Variants in OR1J2 observed in about 807,000 individuals in gnomAD.
The protein encoded by OR1J2 is olfactory receptor 1J2.
For synonymous variants in OR1J2, 142 were observed against 99.7 expected (o/e 1.42, Z -2.52); for missense variants, 304 against 246.1 (o/e 1.24, Z -1.57).
chr9:122,486,153 G>T, the OR1J2 span, among the ~76,000 whole-genome samples: 1 of 152,134 alleles, frequency 6.6e-6, no homozygotes, highest in South Asian at 2.1e-4. Flanking sequence ...TTGAGAGGGG[G>T]TTTCACCATA....
the OR1J2 span, among the ~76,000 whole-genome samples, chr9:122,543,755 A>T: frequency 2.0e-5 from 3 of 152,218 alleles, no homozygotes; most frequent in African/African-American, 7.2e-5. Flanking sequence ...CTCAACATCA[A>T]CAACCAGAGA....
the OR1J2 span, among the ~76,000 whole-genome samples, chr9:122,503,783 G>A: frequency 4.6e-5 from 7 of 152,148 alleles, no homozygotes; most frequent in South Asian, 1.0e-3. Context: ...TATCTTTACC[G>A]CAGGCCATTT....
chr9:122,519,378 A>C, the OR1J2 span: 2 of 1,614,016 alleles, frequency 1.2e-6, no homozygotes, highest in Non-Finnish European at 1.7e-6. Flanking sequence ...CACTGTCCCA[A>C]AGATGTTATT....
the OR1J2 span, among the ~76,000 whole-genome samples, chr9:122,524,715 G>A: frequency 6.6e-6 from 1 of 152,162 alleles, no homozygotes; most frequent in East Asian, 1.9e-4. Context: ...AGGCGACATA[G>A]ACACCATGAG....
At chr9:122,574,121 C>T in the OR1J2 span, among the ~76,000 whole-genome samples, 440 of 152,170 alleles carry the variant, frequency 2.9e-3, 2 homozygotes, top group Middle Eastern at 0.02. Context: ...ATTACTGTAG[C>T]TTTGAAGTCA....
chr9:122,479,991 T>A, the OR1J2 span, among the ~76,000 whole-genome samples: 1 of 152,148 alleles, frequency 6.6e-6, no homozygotes, highest in Non-Finnish European at 1.5e-5. Context: ...AGAAATACAA[T>A]CTAAAAGCTA....
At chr9:122,513,526 A>T (rs1193400932), downstream of OR1J2, among the ~76,000 whole-genome samples, 5 of 148,568 alleles carry the variant, frequency 3.4e-5, no homozygotes, top group African/African-American at 2.5e-5. Flanking sequence ...TTTCACAAGC[A>T]TTTTTTTTTT....
downstream of OR1J2, among the ~76,000 whole-genome samples, chr9:122,512,920 A>G (rs977656763): frequency 6.6e-6 from 1 of 152,202 alleles, no homozygotes; most frequent in Non-Finnish European, 1.5e-5. Flanking sequence ...ACATATTTTC[A>G]TATTTCTGAA....
At chr9:122,469,488 C>T in the OR1J2 span, among the ~76,000 whole-genome samples, 60 of 152,300 alleles carry the variant, frequency 3.9e-4, no homozygotes, top group Non-Finnish European at 5.9e-4. Flanking sequence ...AATTAAACTT[C>T]TTTTTCTTCC....
chr9:122,495,410 A>G, the OR1J2 span, among the ~76,000 whole-genome samples: 1 of 152,114 alleles, frequency 6.6e-6, no homozygotes, highest in Non-Finnish European at 1.5e-5. Context: ...TGTCTTAGAC[A>G]GATTGAGTTA....
At chr9:122,569,369 T>A in the OR1J2 span, among the ~76,000 whole-genome samples, 1 of 151,462 alleles carries the variant, frequency 6.6e-6, no homozygotes, top group Non-Finnish European at 1.5e-5. Context: ...TTTTTTGGTA[T>A]ATATATTTTT....
At chr9:122,539,157 G>A in the OR1J2 span, among the ~76,000 whole-genome samples, 3 of 152,084 alleles carry the variant, frequency 2.0e-5, no homozygotes, top group African/African-American at 4.8e-5. Context: ...TAGGGTACAT[G>A]TGCACAATGT....
At chr9:122,515,352 T>TTGTGTGTGTGTGTGTGTGTGTG (rs10651846), downstream of OR1J2, among the ~76,000 whole-genome samples, 80 of 135,810 alleles carry the variant, frequency 5.9e-4, 1 homozygote, top group African/African-American at 1.1e-3. Context: ...CAGGAGCAGG[T>TTGTGTGTGTGTGTGTGTGTGTG]TGTGTGTGTG....
the OR1J2 span, among the ~76,000 whole-genome samples, chr9:122,532,540 A>C: frequency 6.7e-6 from 1 of 149,208 alleles, no homozygotes; most frequent in Admixed American, 6.7e-5. Flanking sequence ...CGGGCCAGGA[A>C]CAATGGTAAT....
chr9:122,493,797 T>C, the OR1J2 span, among the ~76,000 whole-genome samples: 1 of 152,152 alleles, frequency 6.6e-6, no homozygotes, highest in African/African-American at 2.4e-5. Flanking sequence ...GATTGTCTAT[T>C]TGTGCTCTTT....
upstream of OR1J2, among the ~76,000 whole-genome samples, chr9:122,507,605 CAGT>C (rs1302133407): frequency 6.6e-6 from 1 of 152,116 alleles, no homozygotes; most frequent in African/African-American, 2.4e-5. Flanking sequence ...AGAACTCCAG[CAGT>C]AGAATGATCA....
the OR1J2 span, among the ~76,000 whole-genome samples, chr9:122,563,413 A>C: frequency 6.6e-6 from 1 of 152,158 alleles, no homozygotes; most frequent in South Asian, 2.1e-4. Context: ...TCTTCTTTTA[A>C]GAAATATCTA....
chr9:122,484,687 T>C, the OR1J2 span, among the ~76,000 whole-genome samples: 3 of 152,088 alleles, frequency 2.0e-5, no homozygotes, highest in Non-Finnish European at 2.9e-5. Flanking sequence ...TCATTCCTAC[T>C]TAGTCATGAG....
chr9:122,476,818 G>C, the OR1J2 span: 1 of 575,474 alleles, frequency 1.7e-6, no homozygotes, highest in Non-Finnish European at 3.1e-6. Context: ...TGATTCTTCT[G>C]CCTCAGTCTC....
Sources: gnomAD v4.1 joint callset for allele counts (sites outside exome capture counted in the v4.1 genomes callset) on GRCh38, gnomAD v4.1.1 for gene constraint, MANE v1.5 for transcripts, NCBI Gene and HGNC (gene_info 2026-07-23, HGNC 2026-07-21) for gene names.